The following MVB12B variants were observed in gnomAD, a reference collection of about 807,000 sequenced individuals.
MVB12B encodes multivesicular body subunit 12B.
A neutral mutation model predicts 41.6 loss-of-function variants in MVB12B; 16 were observed. The ratio of observed to expected loss-of-function variants is 0.38; its 90% CI spans 0.26 to 0.58. MVB12B has a LOEUF of 0.58. Among genes scored for constraint, MVB12B ranks in the 20% least tolerant of loss-of-function variants. The probability of loss-of-function intolerance (pLI) is 0.62; values close to 1 mark genes in which losing one functional copy is unlikely to be tolerated. For synonymous variants in MVB12B, 133 were observed against 139.7 expected (o/e 0.95, Z 0.34); for missense variants, 274 against 380.2 (o/e 0.72, Z 2.32).
intron 7 of MVB12B, among the ~76,000 whole-genome samples, chr9:126,423,274 C>G (rs1342938497): frequency 6.6e-6 from 1 of 152,206 alleles, no homozygotes; most frequent in East Asian, 1.9e-4. Context: ...CAGCGTTTGG[C>G]TACACCCACT....
At chr9:126,427,706 A>G (rs1056096777) in intron 7 of MVB12B, among the ~76,000 whole-genome samples, 2 of 152,236 alleles carry the variant, frequency 1.3e-5, no homozygotes, top group Admixed American at 6.5e-5. Context: ...CGAACACCCT[A>G]TGAATGCAGG....
intron 6 of MVB12B, chr9:126,396,046 C>G: frequency 9.6e-7 from 1 of 1,046,644 alleles, no homozygotes; most frequent in East Asian, 8.0e-5. Context: ...CAAATTCCTT[C>G]TCTGTCTTGG....
chr9:126,412,097 T>C (rs779026939), intron 6 of MVB12B, among the ~76,000 whole-genome samples: 5 of 152,240 alleles, frequency 3.3e-5, no homozygotes, highest in Non-Finnish European at 7.3e-5. Context: ...TCTGACACCA[T>C]TGACCAGCCT....
chr9:126,365,478 A>G (rs1385545428), intron 2 of MVB12B, among the ~76,000 whole-genome samples: 1 of 151,916 alleles, frequency 6.6e-6, no homozygotes, highest in Non-Finnish European at 1.5e-5. Flanking sequence ...GATTACGGGC[A>G]TCCACCATCG....
intron 7 of MVB12B, among the ~76,000 whole-genome samples, chr9:126,462,565 C>T (rs1412613296): frequency 1.3e-5 from 2 of 152,236 alleles, no homozygotes; most frequent in African/African-American, 4.8e-5. Context: ...CTTATTATAC[C>T]GGATAGTTCA....
Position 126,408,776 on chromosome 9 carries a change from A to G in MVB12B, c.663-13078A>G, listed in dbSNP as rs906302211. Among the ~76,000 whole-genome samples the G allele has an allele frequency of 1.3e-4, 20 of 152,074 alleles. 1 individual carries two copies. The highest frequency in any genetic ancestry group is 6.5e-4 in the Admixed American group (10 of 15,274). Reference sequence around the variant, plus strand: ...TTTTGGTCACGTAGAATCACATAGTATCTATGAAATGTTAGTAAAAGTCTT... The same window carrying G: ...TTTTGGTCACGTAGAATCACATAGTGTCTATGAAATGTTAGTAAAAGTCTT... On this transcript the variant is annotated intron_variant, in intron 6 of 9. Coordinates refer to ENST00000361171, the MANE Select transcript of MVB12B (RefSeq NM_033446.3).
chr9:126,465,080 T>A lies in MVB12B; in HGVS notation c.758-16289T>A, dbSNP rs140276092. On this transcript the variant is annotated intron_variant, in intron 7 of 9. Coordinates refer to ENST00000361171, the MANE Select transcript of MVB12B (RefSeq NM_033446.3). ...CCTACTTTTACCTTTGCAGACCATT[T>A]TTGATAAGACTTTATGAGTAGAATC... Among the ~76,000 whole-genome samples the A allele has an allele frequency of 7.0e-3, 1,060 of 152,334 alleles. 6 individuals carry two copies. The highest frequency in any genetic ancestry group is 0.013 in the Admixed American group (204 of 15,306).
chr9:126,341,833 T>C (rs1237719843), intron 2 of MVB12B, among the ~76,000 whole-genome samples: 1 of 152,126 alleles, frequency 6.6e-6, no homozygotes, highest in African/African-American at 2.4e-5. Context: ...CTGGGCAGAA[T>C]CACCCCCCAT....
intron 7 of MVB12B, among the ~76,000 whole-genome samples, chr9:126,451,664 T>C (rs1347079604): frequency 6.6e-6 from 1 of 151,698 alleles, no homozygotes; most frequent in Non-Finnish European, 1.5e-5. Context: ...AGGAACTCCG[T>C]GGTGGGACAC....
At chr9:126,345,208 T>C (rs984198974) in intron 2 of MVB12B, among the ~76,000 whole-genome samples, 7 of 152,318 alleles carry the variant, frequency 4.6e-5, no homozygotes, top group Non-Finnish European at 8.8e-5. Flanking sequence ...TTGGCTGCCT[T>C]CATCTTGCCT....
intron 1 of MVB12B, among the ~76,000 whole-genome samples, chr9:126,334,009 C>CTCCCCTGCAGA (rs1194849285): frequency 2.6e-5 from 4 of 152,200 alleles, no homozygotes; most frequent in African/African-American, 7.2e-5. Flanking sequence ...CAGCTCAGGC[C>CTCCCCTGCAGA]TACTGCATCA....
intron 7 of MVB12B, among the ~76,000 whole-genome samples, chr9:126,466,384 G>A (rs145381074): frequency 4.6e-5 from 7 of 152,216 alleles, no homozygotes; most frequent in Non-Finnish European, 4.4e-5. Context: ...CTCTGCTGGT[G>A]TCATAACTGC....
At chr9:126,380,558 A>C (rs72758750) in intron 2 of MVB12B, among the ~76,000 whole-genome samples, 71 of 152,270 alleles carry the variant, frequency 4.7e-4, no homozygotes, top group Admixed American at 5.9e-4. Flanking sequence ...GGGTGGAGTG[A>C]AATGTTTCTG....
At position 126,459,966 on chromosome 9, in the gene MVB12B, A is replaced by G. The variant is rs1010099725; in HGVS notation, c.758-21403A>G. 6.6e-6 allele frequency among the ~76,000 whole-genome samples: 1 copy of G among 152,142 alleles called. No homozygotes were observed. Among genetic ancestry groups the G allele is most frequent in the African/African-American group, 2.4e-5 (1 of 41,486 alleles). On this transcript the variant is annotated intron_variant, in intron 7 of 9. Coordinates refer to ENST00000361171, the MANE Select transcript of MVB12B (RefSeq NM_033446.3). The surrounding 1 kb of genome is among the most constrained non-coding windows in gnomAD (Gnocchi z 4.3). ...CTGCGATTTGGGGCATGTGCTTTGG[A>G]CTTTGAATTTGAGGCTCCCATTTGA...
chr9:126,385,615 C>T (rs1025220840), intron 3 of MVB12B, among the ~76,000 whole-genome samples: 6 of 152,148 alleles, frequency 3.9e-5, no homozygotes, highest in East Asian at 1.9e-4. Flanking sequence ...CACTGGGCTT[C>T]GGGGATGAGG....
In MVB12B at chr9:126,459,036, A is replaced by G. The variant is rs150977645; in HGVS notation, c.758-22333A>G. ...GAAAACTCACTAAGCCTATAGATTC[A>G]GATGACCAAGGATCTCTGAGGGTTC... On this transcript the variant is annotated intron_variant, in intron 7 of 9. Transcript: ENST00000361171. The surrounding 1 kb of genome is among the most constrained non-coding windows in gnomAD (Gnocchi z 4.3). Among the ~76,000 whole-genome samples, 551 of 152,374 alleles carry G rather than the reference A, an allele frequency of 3.6e-3. 1 individual carries two copies. Among genetic ancestry groups the G allele is most frequent in the Non-Finnish European group, 6.5e-3 (439 of 68,038 alleles).
rs751591330 is a variant in MVB12B, at chr9:126,372,507, G to A, written c.205-8557G>A. 4.7e-4 allele frequency among the ~76,000 whole-genome samples: 71 copies of A among 152,172 alleles called. 1 individual carries two copies. Among genetic ancestry groups the A allele is most frequent in the Non-Finnish European group, 6.5e-4 (44 of 68,028 alleles). ...ATCCCACCAGAAGTGCAGAGGGCTC[G>A]CATTCGTCCACATCCTTGCCAACAT... On this transcript the variant is annotated intron_variant, in intron 2 of 9. Transcript: ENST00000361171.
rs559897890 is a variant in MVB12B at position 126,395,447 on chromosome 9, G to A, written c.540-128G>A. ...AAGGAGACGGTGGAACCCATTTCAC[G>A]TGGAGGGCAAGAATTGATTCCCTGG... On this transcript the variant is annotated intron_variant, in intron 5 of 9. Coordinates refer to ENST00000361171, the MANE Select transcript of MVB12B (RefSeq NM_033446.3). This position sits in a 1 kb window ranked among gnomAD's most constrained non-coding sequence, Gnocchi z 4.9. The A allele has an allele frequency of 3.8e-5, 44 of 1,144,842 alleles. No homozygotes were observed. The highest frequency in any genetic ancestry group is 1.7e-4 in the African/African-American group (11 of 64,656). 70.9% of individuals were successfully genotyped at this position (1,144,842 alleles called of 1,614,324 possible). A position where few individuals can be genotyped will look rare whatever the true frequency, so the allele number is the denominator to read the frequency against.
intron 2 of MVB12B, among the ~76,000 whole-genome samples, chr9:126,380,702 T>C (rs528132867): frequency 1.5e-4 from 23 of 152,344 alleles, no homozygotes; most frequent in Admixed American, 1.2e-3. Flanking sequence ...TCACACCCAG[T>C]GGACTCCTTT....
Sources: gnomAD v4.1 joint callset for allele counts (sites outside exome capture counted in the v4.1 genomes callset) on GRCh38, gnomAD v4.1.1 for gene constraint, Gnocchi (gnomAD v3.1) non-coding constraint, MANE v1.5 for transcripts, NCBI Gene and HGNC (gene_info 2026-07-23, HGNC 2026-07-21) for gene names.